Variants in HMCN1 observed in about 807,000 individuals in gnomAD.
HMCN1 encodes hemicentin 1, also known as hemicentin-1.
In HMCN1, 321 loss-of-function variants were observed where a neutral mutation model predicts 625.9. That is an observed-to-expected ratio of 0.51 (90% confidence interval 0.47 to 0.56). The LOEUF (loss-of-function observed/expected upper bound fraction) is 0.56, where lower values mean the gene tolerates loss of function less well. Among genes scored for constraint, HMCN1 ranks in the 20% least tolerant of loss-of-function variants. The pLI is 0.00. For synonymous variants in HMCN1, 2,425 were observed against 2,417.6 expected, an observed-to-expected ratio of 1.00 and a Z score of -0.09; for missense variants, 6,588 against 6,887.3, an observed-to-expected ratio of 0.96 and a Z score of 1.54.
At chr1:185,812,077 C>A (rs1450385873) in intron 1 of HMCN1, among the ~76,000 whole-genome samples, 1 of 152,022 alleles carries the variant, frequency 6.6e-6, no homozygotes, top group Non-Finnish European at 1.5e-5. Context: ...CAGCTATTCT[C>A]TAAGTAGCAT....
At position 186,082,938 on chromosome 1, in the gene HMCN1, A is replaced by G. The variant is rs935786596; in HGVS notation, c.8861A>G (p.Lys2954Arg). Residue 2954 changes from lysine (K) to arginine (R), a missense_variant, in exon 57 of 107, where the codon AAA becomes AGA. Coordinates refer to ENST00000271588, the MANE Select transcript of HMCN1 (RefSeq NM_031935.3). Reference sequence around the variant, plus strand: ...GAGAACACAGCTGGGAGTGCCAAAAAATATTTTAACCTCAATGTTCATGGT... The same window carrying G: ...GAGAACACAGCTGGGAGTGCCAAAAGATATTTTAACCTCAATGTTCATGGT... ...VAENTAGSAKKYFNLNVHVPP... is the reference protein window; with the variant it reads ...VAENTAGSAKRYFNLNVHVPP... 3 of 1,594,158 alleles carry G rather than the reference A, an allele frequency of 1.9e-6. No individual in the cohort carries two copies. The highest frequency in any genetic ancestry group is 2.6e-6 in the Non-Finnish European group (3 of 1,168,242).
intron 15 of HMCN1, among the ~76,000 whole-genome samples, 191 bp from the exon 16 acceptor site, chr1:185,977,596 T>C (rs1651307902): frequency 6.6e-6 from 1 of 152,196 alleles, no homozygotes; most frequent in Admixed American, 6.6e-5. Flanking sequence ...TAAGTGTCTC[T>C]CTTCATTTAT....
intron 104 of HMCN1, 71 bp downstream of exon 104, chr1:186,178,837 G>A: frequency 9.6e-7 from 1 of 1,046,932 alleles, no homozygotes; most frequent in South Asian, 1.3e-5. Flanking sequence ...TACAGCACCT[G>A]TGATTGTTTG....
chr1:186,128,140 T>A lies in HMCN1; in HGVS notation c.12753T>A (p.Thr4251=), dbSNP rs1349163721. Residue 4251 remains threonine (T), a synonymous_variant, in exon 83 of 107, where the codon ACT becomes ACA. Transcript: ENST00000271588. The part of the protein sequence containing the change: ...ANNAAGEDTH[T]VSLTVHVLPT... ...ATGCTGCAGGTGAAGATACACACACTGTCAGCCTGACTGTGCATGTTCTCC... is the reference window on the plus strand; with the variant it reads ...ATGCTGCAGGTGAAGATACACACACAGTCAGCCTGACTGTGCATGTTCTCC... 1.9e-6 allele frequency: 3 copies of A among 1,613,654 alleles called. No homozygotes were observed. Among genetic ancestry groups the A allele is most frequent in the Admixed American group, 1.7e-5 (1 of 59,964 alleles).
chr1:186,048,695 C>T (rs376627230), intron 41 of HMCN1, 48 bp from the exon 42 acceptor site: 56 of 1,110,302 alleles, frequency 5.0e-5, no homozygotes, highest in Middle Eastern at 2.1e-4. Context: ...ATTAAAAAAC[C>T]CCAAGTGAAA....
chr1:186,144,266 C>A lies in HMCN1; in HGVS notation c.14018C>A (p.Pro4673Gln). 6.2e-7 allele frequency: 1 copy of A among 1,614,004 alleles called. No homozygotes were observed. Among genetic ancestry groups the A allele is most frequent in the Non-Finnish European group, 8.5e-7 (1 of 1,179,954 alleles). The change falls in exon 90 of 107, where the codon CCA becomes CAA. Residue 4673 changes from proline to glutamine, a missense_variant. By Grantham distance (76) the Pro-to-Gln change is moderately conservative. Coordinates refer to ENST00000271588, the MANE Select transcript of HMCN1 (RefSeq NM_031935.3). ...TQTRARLCNN[P>Q]PPAFGGSYCD... ...ACAAGAGCAAGACTTTGTAATAACC[C>A]ACCACCAGCGTTTGGTGGGTCCTAC...
At position 186,151,603 on chromosome 1, in the gene HMCN1, T is replaced by C. The variant is rs781257378; in HGVS notation, c.14759-3T>C. 2 of 1,611,170 alleles carry C rather than the reference T, an allele frequency of 1.2e-6. No individual in the cohort carries two copies. Among genetic ancestry groups the C allele is most frequent in the Admixed American group, 1.7e-5 (1 of 59,700 alleles). On this transcript the variant is annotated splice_region_variant and splice_polypyrimidine_tract_variant and intron_variant, in intron 94 of 106. Transcript: ENST00000271588. ...CACCTTATTTATCCTTTTTTTTCTT[T>C]AGGTTCAGCAATGAGAAAGATAGTT...
At chr1:185,946,342 TAACC>T (rs1668345380) in intron 11 of HMCN1, among the ~76,000 whole-genome samples, 1 of 152,190 alleles carries the variant, frequency 6.6e-6, no homozygotes, top group African/African-American at 2.4e-5. Context: ...TTGAGCACTA[TAACC>T]AACTTTTGAT....
chr1:185,762,685 T>A (rs1346655092), intron 1 of HMCN1, among the ~76,000 whole-genome samples: 4 of 152,182 alleles, frequency 2.6e-5, no homozygotes, highest in Non-Finnish European at 5.9e-5. Flanking sequence ...GATATGTAGT[T>A]AAGTGAATCA....
In HMCN1 at chr1:186,020,237, T is replaced by TCATAGATAGATA. The variant is rs138058884; in HGVS notation, c.5625+542_5625+543insCATAGATAGATA. On this transcript the variant is annotated intron_variant, in intron 35 of 106. Transcript: ENST00000271588. ...CATATTTGTTAAATTAGTAGATTGATGATAGATAGATAGATAGATAGATAG... is the reference window on the plus strand; with the variant it reads ...CATATTTGTTAAATTAGTAGATTGATCATAGATAGATAGATAGATAGATAGATAGATAGATAG... 5.2e-4 allele frequency among the ~76,000 whole-genome samples: 78 copies of TCATAGATAGATA among 149,976 alleles called. 1 individual carries two copies. The highest frequency in any genetic ancestry group is 1.8e-3 in the African/African-American group (75 of 40,620).
chr1:185,808,116 T>C (rs1659289736), intron 1 of HMCN1, among the ~76,000 whole-genome samples: 1 of 151,862 alleles, frequency 6.6e-6, no homozygotes, highest in Non-Finnish European at 1.5e-5. Flanking sequence ...GAGGCGAAGG[T>C]GGGTGTATCA....
intron 17 of HMCN1, among the ~76,000 whole-genome samples, chr1:185,981,428 G>A (rs1359730010): frequency 6.6e-6 from 1 of 151,554 alleles, no homozygotes; most frequent in African/African-American, 2.4e-5. Flanking sequence ...GTGTATGATA[G>A]GTAAAAATAT....
At position 186,074,691 on chromosome 1, in the gene HMCN1, G is replaced by T. The variant is rs747784409; in HGVS notation, c.8140-50G>T. 6 of 1,557,110 alleles carry T rather than the reference G, an allele frequency of 3.9e-6. No homozygotes were observed. In the South Asian group the frequency reaches 5.6e-5, roughly 14 times the overall value. On this transcript the variant is annotated intron_variant, in intron 52 of 106. Coordinates refer to ENST00000271588, the MANE Select transcript of HMCN1 (RefSeq NM_031935.3). ...AAACTATCAACTGCATGGCCTCTTAGAGGATTCATTATAGCACTTAATGCT... is the reference window on the plus strand; with the variant it reads ...AAACTATCAACTGCATGGCCTCTTATAGGATTCATTATAGCACTTAATGCT...
chr1:185,873,704 T>G (rs563621934), intron 4 of HMCN1, among the ~76,000 whole-genome samples: 1 of 152,106 alleles, frequency 6.6e-6, no homozygotes, highest in African/African-American at 2.4e-5. Flanking sequence ...AATAGAAAAA[T>G]GCAAAAGGTT....
At position 186,124,013 on chromosome 1, in the gene HMCN1, A is replaced by T. The variant is rs560223265; in HGVS notation, c.12499+793A>T. 4.6e-5 allele frequency among the ~76,000 whole-genome samples: 7 copies of T among 152,230 alleles called. No homozygotes were observed. The South Asian group carries it at 1.5e-3, about 32-fold the overall frequency. On this transcript the variant is annotated intron_variant, in intron 81 of 106. Coordinates refer to ENST00000271588, the MANE Select transcript of HMCN1 (RefSeq NM_031935.3). ...CCAAAATTAAAAATCATCATTTATG[A>T]GTTTTCCAAATAACTCCCCTGCTTT...
chr1:186,037,952 A>G lies in HMCN1; in HGVS notation c.5768A>G (p.Asp1923Gly). ...LHVHEPPSLE[D>G]AGKMLNETVL... Reference sequence around the variant, plus strand: ...CTTGTAGAACCACCTAGTCTGGAAGATGCTGGAAAAATGCTGAATGAGACT... The same window carrying G: ...CTTGTAGAACCACCTAGTCTGGAAGGTGCTGGAAAAATGCTGAATGAGACT... The change falls in exon 37 of 107, where the codon GAT becomes GGT. Residue 1923 changes from aspartate to glycine, a missense_variant. By Grantham distance (94) the Asp-to-Gly change is moderately conservative. Coordinates refer to ENST00000271588, the MANE Select transcript of HMCN1 (RefSeq NM_031935.3). 1 of 1,611,056 alleles carries G rather than the reference A, an allele frequency of 6.2e-7. No homozygotes were observed. The highest frequency in any genetic ancestry group is 8.5e-7 in the Non-Finnish European group (1 of 1,177,356).
intron 11 of HMCN1, among the ~76,000 whole-genome samples, chr1:185,943,651 C>A (rs1272997544): frequency 6.6e-6 from 1 of 152,126 alleles, no homozygotes; most frequent in East Asian, 1.9e-4. Context: ...TGTTCAACAG[C>A]CCAGAAGCTC....
At chr1:185,776,336 C>T (rs1041540072) in intron 1 of HMCN1, among the ~76,000 whole-genome samples, 7 of 151,820 alleles carry the variant, frequency 4.6e-5, no homozygotes, top group African/African-American at 1.2e-4. Flanking sequence ...TCACTCCTTG[C>T]GTGGAATGTT....
At chr1:186,016,301 A>C in intron 32 of HMCN1, 62 bp downstream of exon 32, 1 of 1,497,672 alleles carries the variant, frequency 6.7e-7, no homozygotes, top group Non-Finnish European at 9.2e-7. Flanking sequence ...TAGTTTGTTA[A>C]ATACTTTTTT....
Sources: gnomAD v4.1 joint callset for allele counts (sites outside exome capture counted in the v4.1 genomes callset) on GRCh38, gnomAD v4.1.1 for gene constraint, MANE v1.5 for transcripts, NCBI Gene and HGNC (gene_info 2026-07-23, HGNC 2026-07-21) for gene names.